The following PPP1R3A variants were observed in gnomAD, a reference collection of about 807,000 sequenced individuals.
PPP1R3A encodes the protein protein phosphatase 1 regulatory subunit 3A.
Under a neutral mutation model 41.7 loss-of-function variants are expected in PPP1R3A, and 29 were observed. The observed-to-expected ratio is 0.70, with a 90% CI of 0.52 to 0.95. The LOEUF is 0.95. Ranked by LOEUF, PPP1R3A falls within the 40% of genes least tolerant of loss-of-function variation. The pLI is 0.00. For missense variants in PPP1R3A, 1,352 were observed against 1,292.4 expected (o/e 1.05, Z -0.71); for synonymous variants, 485 against 453.4 (o/e 1.07, Z -0.89).
chr7:113,893,076 T>G (rs1796920209), intron 1 of PPP1R3A, among the ~76,000 whole-genome samples: 2 of 151,968 alleles, frequency 1.3e-5, no homozygotes, highest in African/African-American at 4.8e-5. Flanking sequence ...GCGGTCATAT[T>G]GAGCCCCACT....
At chr7:113,888,225 A>G (rs1355755043) in intron 1 of PPP1R3A, among the ~76,000 whole-genome samples, 1 of 152,060 alleles carries the variant, frequency 6.6e-6, no homozygotes, top group East Asian at 1.9e-4. Context: ...CATGGGGTTT[A>G]GGGCTAAACA....
intron 1 of PPP1R3A, among the ~76,000 whole-genome samples, chr7:113,887,342 C>G: frequency 6.6e-6 from 1 of 151,722 alleles, no homozygotes; most frequent in Non-Finnish European, 1.5e-5. Flanking sequence ...ATATAGTCAT[C>G]TATATTATTT....
chr7:113,918,775 A>G lies in PPP1R3A; in HGVS notation c.222T>C (p.Leu74=). 2 of 1,613,866 alleles carry G rather than the reference A, an allele frequency of 1.2e-6. No homozygotes were observed. The highest frequency in any genetic ancestry group is 1.6e-4 in the Middle Eastern group (1 of 6,062). ...VSFADSFGFN[L]VSVKEFDCWE... ...AGCAATCAAATTCTTTAACAGACAC[A>G]AGATTGAATCCAAAGGAATCAGCAA... The change falls in exon 1 of 4, where the codon CTT becomes CTC. Residue 74 remains leucine (L), a synonymous_variant. Transcript: ENST00000284601.
chr7:113,914,398 T>C (rs1469986755), intron 1 of PPP1R3A, among the ~76,000 whole-genome samples: 1 of 152,182 alleles, frequency 6.6e-6, no homozygotes, highest in Non-Finnish European at 1.5e-5. Context: ...TCTTCATTTT[T>C]TCATCTATTA....
At chr7:113,918,069 G>C (rs1797369419) in intron 1 of PPP1R3A, 146 bp downstream of exon 1, 2 of 743,180 alleles carry the variant, frequency 2.7e-6, no homozygotes, top group East Asian at 2.7e-5. Context: ...GAATAGCTTT[G>C]ACCTTGTTAA....
At position 113,918,491 on chromosome 7, in the gene PPP1R3A, T is replaced by C. The variant is rs137867869; in HGVS notation, c.506A>G (p.His169Arg). The change falls in exon 1 of 4, where the codon CAT becomes CGT. Residue 169 changes from histidine (H) to arginine (R), a missense_variant. Physicochemically the swap from His to Arg is conservative, Grantham distance 29. Coordinates refer to ENST00000284601, the MANE Select transcript of PPP1R3A (RefSeq NM_002711.4). ...AACATATTCTGCTAAAATGTCATAA[T>C]GTGTCTGCCAGTCATCTAAAGACAT... is the stretch of plus-strand genomic sequence containing the variant. ...VRMSLDDWQTHYDILAEYVPN... is the reference protein window; with the variant it reads ...VRMSLDDWQTRYDILAEYVPN... 6.2e-6 allele frequency: 10 copies of C among 1,613,166 alleles called. No individual in the cohort carries two copies. The highest frequency in any genetic ancestry group is 5.0e-5 in the Admixed American group (3 of 59,898).
At chr7:113,912,708 T>C (rs1797270787) in intron 1 of PPP1R3A, among the ~76,000 whole-genome samples, 3 of 152,068 alleles carry the variant, frequency 2.0e-5, no homozygotes, top group African/African-American at 7.2e-5. Context: ...TCCTTTTTTC[T>C]TTTCTTTTCT....
At chr7:113,912,347 G>A (rs1235973127) in intron 1 of PPP1R3A, among the ~76,000 whole-genome samples, 1 of 152,098 alleles carries the variant, frequency 6.6e-6, no homozygotes, top group African/African-American at 2.4e-5. Flanking sequence ...CCACCCTCGA[G>A]GGGTCTCCAT....
In PPP1R3A at chr7:113,877,798, C is replaced by G. The variant is rs372302258; in HGVS notation, c.3294G>C (p.Leu1098Phe). ...AGGACAATGACAAAACGTAGAATGT[C>G]AAGCCAATCATTAAGTCATAATGGT... ...TVYHYDLMIG[L>F]TFYVLSLSWL... The change falls in exon 4 of 4, where the codon TTG becomes TTC. Residue 1098 changes from leucine to phenylalanine, a missense_variant. Leu to Phe is a conservative substitution (Grantham distance 22). Coordinates refer to ENST00000284601, the MANE Select transcript of PPP1R3A (RefSeq NM_002711.4). 1 of 1,606,318 alleles carries G rather than the reference C, an allele frequency of 6.2e-7. No homozygotes were observed. Among genetic ancestry groups the G allele is most frequent in the Non-Finnish European group, 8.5e-7 (1 of 1,174,916 alleles).
intron 1 of PPP1R3A, among the ~76,000 whole-genome samples, chr7:113,887,938 G>GA (rs1427303968): frequency 1.3e-5 from 2 of 152,090 alleles, no homozygotes; most frequent in African/African-American, 4.8e-5. Flanking sequence ...GGCTGAGGCA[G>GA]AATAGCTTGA....
At chr7:113,896,586 T>C (rs993477164) in intron 1 of PPP1R3A, among the ~76,000 whole-genome samples, 1 of 151,672 alleles carries the variant, frequency 6.6e-6, no homozygotes, top group Non-Finnish European at 1.5e-5. Context: ...TAATTAGCAG[T>C]TGAATAATTT....
chr7:113,918,166 TA>T (rs1484812711), intron 1 of PPP1R3A, 48 bp downstream of exon 1: 18 of 1,496,470 alleles, frequency 1.2e-5, no homozygotes, highest in Admixed American at 2.2e-5. Flanking sequence ...AAGAATGACA[TA>T]AAAACTTTAA....
chr7:113,912,639 G>A (rs1476948526), intron 1 of PPP1R3A, among the ~76,000 whole-genome samples: 2 of 152,156 alleles, frequency 1.3e-5, no homozygotes, highest in Non-Finnish European at 2.9e-5. Context: ...GTTAGCAGAA[G>A]TGGAGGAAGG....
rs10239032 is a variant in PPP1R3A at position 113,917,502 on chromosome 7, T to C, written c.782+713A>G. On this transcript the variant is annotated intron_variant, in intron 1 of 3. Coordinates refer to ENST00000284601, the MANE Select transcript of PPP1R3A (RefSeq NM_002711.4). ...GGTCACATCCCAAATCTCTAATCTA[T>C]ATAGCTGAATATCCCTATTTATATT... Among the ~76,000 whole-genome samples the C allele has an allele frequency of 5.3e-3, 801 of 152,188 alleles. 7 individuals are homozygous for C. The highest frequency in any genetic ancestry group is 0.018 in the African/African-American group (762 of 41,556).
At chr7:113,900,404 G>A (rs1356239458) in intron 1 of PPP1R3A, among the ~76,000 whole-genome samples, 3 of 151,546 alleles carry the variant, frequency 2.0e-5, no homozygotes, top group Non-Finnish European at 4.4e-5. Flanking sequence ...TTTATTATGT[G>A]TAAGAGAATA....
chr7:113,887,385 A>T (rs1584815004), intron 1 of PPP1R3A, among the ~76,000 whole-genome samples: 1 of 152,056 alleles, frequency 6.6e-6, no homozygotes, highest in African/African-American at 2.4e-5. Context: ...ATTTTAAAAT[A>T]TCTGTGTGTC....
chr7:113,896,630 T>A (rs73435660), intron 1 of PPP1R3A, among the ~76,000 whole-genome samples: 4,573 of 151,736 alleles, frequency 0.03, 224 homozygotes, highest in African/African-American at 0.1. Context: ...CATAGTGGAA[T>A]GGAATACCGA....
At position 113,898,456 on chromosome 7, in the gene PPP1R3A, G is replaced by A. The variant is rs115314431; in HGVS notation, c.783-16136C>T. ...TATTCCAGGCAGATGGAATATCAAG[G>A]GGCATGGTAGTGAGAGAGATATAAG... On this transcript the variant is annotated intron_variant, in intron 1 of 3. Coordinates refer to ENST00000284601, the MANE Select transcript of PPP1R3A (RefSeq NM_002711.4). Among the ~76,000 whole-genome samples, 1,202 of 151,758 alleles carry A rather than the reference G, an allele frequency of 7.9e-3. 11 individuals are homozygous for A. Among genetic ancestry groups the A allele is most frequent in the African/African-American group, 0.024 (981 of 41,458 alleles).
In PPP1R3A at chr7:113,878,883, ATGT is replaced by A; in HGVS notation, c.2206_2208del (p.Thr736del). On this transcript the variant is annotated inframe_deletion, in exon 4 of 4. Coordinates refer to ENST00000284601, the MANE Select transcript of PPP1R3A (RefSeq NM_002711.4). ...GACATGCTTTCTGGAGTACTTTCTG[ATGT>A]TGTCTTAATTATATAGGCTGTACCA... 1 of 1,612,788 alleles carries A rather than the reference ATGT, an allele frequency of 6.2e-7. No homozygotes were observed. The highest frequency in any genetic ancestry group is 8.5e-7 in the Non-Finnish European group (1 of 1,179,730).
Sources: allele counts gnomAD v4.1 joint callset (sites outside exome capture counted in the v4.1 genomes callset), GRCh38; gene constraint gnomAD v4.1.1; transcripts MANE v1.5; gene names NCBI Gene and HGNC (gene_info 2026-07-23, HGNC 2026-07-21).